PDE4A: variants seen among roughly 807,000 people sequenced by gnomAD.
The protein encoded by PDE4A is phosphodiesterase 4A.
In PDE4A, 21 loss-of-function variants were observed where a neutral mutation model predicts 73.9. The ratio of observed to expected loss-of-function variants is 0.28; its 90% CI spans 0.20 to 0.41. PDE4A has a LOEUF of 0.41. Ranked by LOEUF, PDE4A falls within the 10% of genes least tolerant of loss-of-function variation. PDE4A has a pLI of 1.00. For synonymous variants in PDE4A, 463 were observed against 505.4 expected (o/e 0.92, Z 1.13); for missense variants, 958 against 1,211.4 (o/e 0.79, Z 3.10).
intron 1 of PDE4A, chr19:10,431,112 G>A: frequency 6.8e-7 from 1 of 1,461,140 alleles, no homozygotes; most frequent in Non-Finnish European, 9.0e-7. Flanking sequence ...GTGGCCGTGG[G>A]TTCAAGTCGC....
At chr19:10,420,531 G>T (rs1774647731), upstream of PDE4A, 1 of 1,122,858 alleles carries the variant, frequency 8.9e-7, no homozygotes, top group Non-Finnish European at 1.1e-6. The surrounding 1 kb of genome is among the most constrained non-coding windows in gnomAD (Gnocchi z 6.0). Flanking sequence ...GGAGCGCGGA[G>T]CGCGGAGAGC....
chr19:10,440,882 G>A (rs1390213305), intron 1 of PDE4A, among the ~76,000 whole-genome samples: 1 of 151,664 alleles, frequency 6.6e-6, no homozygotes, highest in East Asian at 1.9e-4. Flanking sequence ...ACAGGCGTGA[G>A]CCACCACGCC....
At chr19:10,456,533 A>G (rs1178252486) in intron 7 of PDE4A, among the ~76,000 whole-genome samples, 1 of 144,620 alleles carries the variant, frequency 6.9e-6, no homozygotes, top group East Asian at 2.0e-4. Context: ...CTCAAAAAAA[A>G]AATAAATAAA....
chr19:10,417,468 AG>A, upstream of PDE4A: 1 of 979,042 alleles, frequency 1.0e-6, no homozygotes, highest in Non-Finnish European at 1.2e-6. Context: ...ATGGCTGAGA[AG>A]GGGCACTCTC....
At chr19:10,423,612 T>A (rs555431928) in intron 1 of PDE4A, among the ~76,000 whole-genome samples, 1 of 152,210 alleles carries the variant, frequency 6.6e-6, no homozygotes, top group Admixed American at 6.5e-5. Context: ...GGGGCTTTTG[T>A]TGGCACTGCC....
intron 1 of PDE4A, among the ~76,000 whole-genome samples, chr19:10,432,200 G>A (rs1203680455): frequency 1.5e-5 from 2 of 135,854 alleles, no homozygotes; most frequent in African/African-American, 5.4e-5. Context: ...GGAAGTGTGC[G>A]TCCGACTCCG....
intron 1 of PDE4A, among the ~76,000 whole-genome samples, chr19:10,426,825 G>T (rs1438605908): frequency 6.6e-6 from 1 of 150,524 alleles, no homozygotes; most frequent in Non-Finnish European, 1.5e-5. Flanking sequence ...CCGAGATTGC[G>T]CCACTTCACT....
Position 10,453,466 on chromosome 19 carries a change from G to GCCCGCCATCCACGCCCA in PDE4A, c.784-1363_784-1362insCCCGCCATCCACGCCCA. ...CTGTCTCTGTGTGTGGCCCAGGGCTGGGCGTGGATGGCGGGCAGCTGGGGG... is the reference window on the plus strand; with the variant it reads ...CTGTCTCTGTGTGTGGCCCAGGGCTGCCCGCCATCCACGCCCAGGCGTGGATGGCGGGCAGCTGGGGG... On this transcript the variant is annotated intron_variant, in intron 6 of 14. Coordinates refer to ENST00000380702, the MANE Select transcript of PDE4A (RefSeq NM_001111307.2). This position sits in a 1 kb window ranked among gnomAD's most constrained non-coding sequence, Gnocchi z 4.6. The GCCCGCCATCCACGCCCA allele has an allele frequency of 8.8e-7, 1 of 1,131,722 alleles. No homozygotes were observed. Among genetic ancestry groups the GCCCGCCATCCACGCCCA allele is most frequent in the Non-Finnish European group, 1.2e-6 (1 of 829,874 alleles). 70.1% of individuals were successfully genotyped at this position (1,131,722 alleles called of 1,614,324 possible).
Position 10,461,116 on chromosome 19 carries a change from C to A in PDE4A, c.1465+13C>A. Reference sequence around the variant, plus strand: ...CTCATCAACACCAGTGAGTGGCCCTCGCCAGGGGCGGGGTTTGCTGAGTTG... The same window carrying A: ...CTCATCAACACCAGTGAGTGGCCCTAGCCAGGGGCGGGGTTTGCTGAGTTG... On this transcript the variant is annotated intron_variant, in intron 11 of 14. Coordinates refer to ENST00000380702, the MANE Select transcript of PDE4A (RefSeq NM_001111307.2). 6.2e-7 allele frequency: 1 copy of A among 1,605,076 alleles called. No homozygotes were observed. The highest frequency in any genetic ancestry group is 8.5e-7 in the Non-Finnish European group (1 of 1,173,078).
At position 10,453,035 on chromosome 19, in the gene PDE4A, C is replaced by T. The variant is rs1274974588; in HGVS notation, c.784-1794C>T. ...CCCCCACCGCCTCCACCCACTGCCGCGGGGGGGCCCGTTGGGGCCCAGGGC... is the reference window on the plus strand; with the variant it reads ...CCCCCACCGCCTCCACCCACTGCCGTGGGGGGGCCCGTTGGGGCCCAGGGC... On this transcript the variant is annotated intron_variant, in intron 6 of 14. Transcript: ENST00000380702. This position sits in a 1 kb window ranked among gnomAD's most constrained non-coding sequence, Gnocchi z 4.6. 2.2e-5 allele frequency: 30 copies of T among 1,336,368 alleles called. No homozygotes were observed. The highest frequency in any genetic ancestry group is 3.6e-5 in the Admixed American group (1 of 27,982). 82.8% of individuals were successfully genotyped at this position (1,336,368 alleles called of 1,614,324 possible). A position where few individuals can be genotyped will look rare whatever the true frequency, so the allele number is the denominator to read the frequency against.
intron 7 of PDE4A, among the ~76,000 whole-genome samples, chr19:10,456,356 T>C (rs955983734): frequency 6.6e-6 from 1 of 151,952 alleles, no homozygotes; most frequent in South Asian, 2.1e-4. Flanking sequence ...TGAAACGCCA[T>C]CTCTACTAAA....
At position 10,461,049 on chromosome 19, in the gene PDE4A, G is replaced by T; in HGVS notation, c.1411G>T (p.Ala471Ser). 6.2e-7 allele frequency: 1 copy of T among 1,613,668 alleles called. No homozygotes were observed. The highest frequency in any genetic ancestry group is 8.5e-7 in the Non-Finnish European group (1 of 1,179,728). The stretch of plus-strand genomic sequence containing the variant: ...GATTCTCGCCGCCCTCTTCGCGGCT[G>T]CCATCCACGATGTGGATCACCCTGG... ...LEILAALFAAAIHDVDHPGVS... is the reference protein window; with the variant it reads ...LEILAALFAASIHDVDHPGVS... The change falls in exon 11 of 15, where the codon GCC (alanine) becomes TCC (serine). Residue 471 changes from alanine to serine, a missense_variant. Ala to Ser is a moderately conservative substitution (Grantham distance 99, BLOSUM62 1). Around this residue, in one of 3 missense-constraint regions of PDE4A, gnomAD observed 570 missense variants for 827.7 expected, o/e 0.69. Transcript: ENST00000380702.
chr19:10,427,369 C>A, intron 1 of PDE4A: 1 of 386,192 alleles, frequency 2.6e-6, no homozygotes, highest in Non-Finnish European at 3.5e-6. Context: ...GAGGGAAGAG[C>A]CAGTGCAGAG....
Position 10,458,687 on chromosome 19 carries a change from C to T in PDE4A, c.1101+585C>T, listed in dbSNP as rs535192318. Among the ~76,000 whole-genome samples the T allele has an allele frequency of 6.6e-6, 1 of 151,014 alleles. No homozygotes were observed. Among genetic ancestry groups the T allele is most frequent in the Admixed American group, 6.6e-5 (1 of 15,152 alleles). ...AGGTTGGAGTGCAGTAGTGTGATCT[C>T]GGCTCAAGGCAACCTCCACCTCCTG... On this transcript the variant is annotated intron_variant, in intron 8 of 14. Transcript: ENST00000380702. This position sits in a 1 kb window ranked among gnomAD's most constrained non-coding sequence, Gnocchi z 4.6.
At chr19:10,430,211 T>C (rs1294615692) in intron 1 of PDE4A, among the ~76,000 whole-genome samples, 1 of 151,736 alleles carries the variant, frequency 6.6e-6, no homozygotes, top group African/African-American at 2.4e-5. Flanking sequence ...TTTGTGGGAG[T>C]GCCCCCAGAG....
At position 10,461,985 on chromosome 19, in the gene PDE4A, T is replaced by C; in HGVS notation, c.1729T>C (p.Ser577Pro). ...SSGVLLLDNY[S>P]DRIQVLRNMV... is the part of the protein sequence containing the mutation. Reference sequence around the variant, plus strand: ...AGGGGTCCTCCTGCTAGATAACTACTCCGACCGCATCCAGGTGCCCCCACG... The same window carrying C: ...AGGGGTCCTCCTGCTAGATAACTACCCCGACCGCATCCAGGTGCCCCCACG... Residue 577 changes from serine to proline, a missense_variant, in exon 13 of 15, where the codon TCC becomes CCC. This residue lies in a region of PDE4A where 570 missense variants were observed against 827.7 expected (regional missense o/e 0.69). Transcript: ENST00000380702. The C allele has an allele frequency of 6.2e-7, 1 of 1,613,378 alleles. No individual in the cohort carries two copies. Among genetic ancestry groups the C allele is most frequent in the Non-Finnish European group, 8.5e-7 (1 of 1,179,598 alleles).
chr19:10,438,677 G>A (rs574082226), intron 1 of PDE4A, among the ~76,000 whole-genome samples: 2 of 151,856 alleles, frequency 1.3e-5, no homozygotes, highest in South Asian at 2.1e-4. Context: ...TCCCAATCTC[G>A]GCTCACTGCA....
rs1366668839 is a variant in PDE4A, at chr19:10,461,086, A to G, written c.1448A>G (p.Gln483Arg). The G allele has an allele frequency of 1.7e-5, 27 of 1,613,050 alleles. No individual in the cohort carries two copies. Among genetic ancestry groups the G allele is most frequent in the Non-Finnish European group, 2.2e-5 (26 of 1,179,226 alleles). ...HDVDHPGVSN[Q>R]FLINTNSELA... ...GTGGATCACCCTGGGGTCTCCAACC[A>G]GTTCCTCATCAACACCAGTGAGTGG... The change falls in exon 11 of 15, where the codon CAG becomes CGG. Residue 483 changes from glutamine (Q) to arginine (R), a missense_variant. Coordinates refer to ENST00000380702, the MANE Select transcript of PDE4A (RefSeq NM_001111307.2).
At chr19:10,432,334 C>G (rs1233553061) in intron 1 of PDE4A, 7 of 1,271,346 alleles carry the variant, frequency 5.5e-6, no homozygotes, top group Admixed American at 4.3e-5. Flanking sequence ...GAGGCGGTGC[C>G]GGCAGTGGAG....
Sources: gnomAD v4.1 joint callset for allele counts (sites outside exome capture counted in the v4.1 genomes callset) on GRCh38, gnomAD v4.1.1 for gene constraint, gnomAD v4.1.1 regional missense constraint, Gnocchi (gnomAD v3.1) non-coding constraint, MANE v1.5 for transcripts, NCBI Gene and HGNC (gene_info 2026-07-23, HGNC 2026-07-21) for gene names.